ENY2: variants seen among roughly 807,000 people sequenced by gnomAD.
ENY2 encodes ENY2 transcription and export complex 2 subunit, also known as transcription and mRNA export factor ENY2.
In ENY2, 4 loss-of-function variants were observed where a neutral mutation model predicts 15.9. The ratio of observed to expected loss-of-function variants is 0.25; its 90% CI spans 0.12 to 0.57. The LOEUF is 0.57. Ranked by LOEUF, ENY2 falls within the 20% of genes least tolerant of loss-of-function variation. The probability of loss-of-function intolerance (pLI) is 0.91; values close to 1 mark genes in which losing one functional copy is unlikely to be tolerated. For missense variants in ENY2, 54 were observed against 117.2 expected, an observed-to-expected ratio of 0.46 and a Z score of 2.49; for synonymous variants, 48 against 38.0, an observed-to-expected ratio of 1.26 and a Z score of -0.97.
chr8:109,343,529 T>C lies in ENY2; in HGVS notation c.*48T>C, dbSNP rs922668683. The C allele has an allele frequency of 3.3e-6, 5 of 1,522,120 alleles. No individual in the cohort carries two copies. In the African/African-American group the frequency reaches 7.0e-5, roughly 21 times the overall value. The allele number at this position is 1,522,120 out of a possible 1,614,324, so 94.3% of individuals were successfully genotyped here. On this transcript the variant is annotated 3_prime_UTR_variant, in exon 5 of 5. Transcript: ENST00000521688. Reference sequence around the variant, plus strand: ...GTGGTTTTATTTCTGAAAGTAAAACTTGCCATAAATTAGAAAACAATTTCC... The same window carrying C: ...GTGGTTTTATTTCTGAAAGTAAAACCTGCCATAAATTAGAAAACAATTTCC...
intron 2 of ENY2, among the ~76,000 whole-genome samples, chr8:109,337,593 TAGAA>T (rs1816014900): frequency 6.6e-6 from 1 of 151,972 alleles, no homozygotes; most frequent in Admixed American, 6.6e-5. Context: ...ATATTTTAGA[TAGAA>T]AAAACAAAGA....
intron 2 of ENY2, 113 bp from the exon 3 acceptor site, chr8:109,339,207 G>A: frequency 1.1e-6 from 1 of 900,404 alleles, no homozygotes; most frequent in Non-Finnish European, 1.7e-6. Context: ...CACAGTTAAA[G>A]TTTTGTAACT....
intron 1 of ENY2, chr8:109,334,807 C>T (rs754114511): frequency 7.4e-6 from 3 of 404,432 alleles, no homozygotes; most frequent in Non-Finnish European, 1.3e-5. Context: ...TTTTAGGAGC[C>T]AAGACGAGAT....
At position 109,343,561 on chromosome 8, in the gene ENY2, A is replaced by G. The variant is rs1051466344; in HGVS notation, c.*80A>G. On this transcript the variant is annotated 3_prime_UTR_variant, in exon 5 of 5. Transcript: ENST00000521688. ...AAATTAGAAAACAATTTCCCAAAATAAAATCCTTTTTTGTATGATGGTATA... is the reference window on the plus strand; with the variant it reads ...AAATTAGAAAACAATTTCCCAAAATGAAATCCTTTTTTGTATGATGGTATA... 4 of 1,355,024 alleles carry G rather than the reference A, an allele frequency of 3.0e-6. No individual in the cohort carries two copies. The highest frequency in any genetic ancestry group is 4.1e-6 in the Non-Finnish European group (4 of 968,846). 83.9% of individuals were successfully genotyped at this position (1,355,024 alleles called of 1,614,324 possible).
chr8:109,336,088 T>C (rs192510487), intron 1 of ENY2, 40 bp from the exon 2 acceptor site: 1 of 1,597,290 alleles, frequency 6.3e-7, no homozygotes, highest in African/African-American at 1.3e-5. Context: ...GAAAATGCTT[T>C]GTAAATGTTC....
chr8:109,340,122 T>G (rs1222022039), intron 3 of ENY2, among the ~76,000 whole-genome samples: 2 of 152,176 alleles, frequency 1.3e-5, no homozygotes, highest in Non-Finnish European at 2.9e-5. Context: ...CCTAGCCCAT[T>G]AGATCATCGT....
At chr8:109,342,344 G>A (rs936650771) in intron 4 of ENY2, among the ~76,000 whole-genome samples, 19 of 151,180 alleles carry the variant, frequency 1.3e-4, no homozygotes, top group South Asian at 6.2e-4. Context: ...TATACTCCAC[G>A]TAATATGAGA....
chr8:109,342,644 A>G, intron 4 of ENY2: 1 of 686,262 alleles, frequency 1.5e-6, no homozygotes, highest in Non-Finnish European at 2.6e-6. Flanking sequence ...AGTAGCTGAG[A>G]CCACAGACAC....
chr8:109,334,572 G>T, intron 1 of ENY2, 98 bp downstream of exon 1: 1 of 1,397,234 alleles, frequency 7.2e-7, no homozygotes, highest in Non-Finnish European at 9.5e-7. Context: ...CCGCGCTCGC[G>T]GGCCTGTAGG....
chr8:109,335,444 C>T (rs1012620687), intron 1 of ENY2: 58 of 149,632 alleles, frequency 3.9e-4, no homozygotes, highest in African/African-American at 1.4e-3. Context: ...CTCACTGCAA[C>T]CTCTGTCTCC....
Position 109,335,984 on chromosome 8 carries a change from A to G in ENY2, c.7-144A>G, listed in dbSNP as rs1046450184. 1.7e-5 allele frequency: 12 copies of G among 699,038 alleles called. No homozygotes were observed. The African/African-American group carries it at 2.0e-4, about 11-fold the overall frequency. 43.3% of individuals were successfully genotyped at this position (699,038 alleles called of 1,614,324 possible). A position where few individuals can be genotyped will look rare whatever the true frequency, so the allele number is the denominator to read the frequency against. Reference sequence around the variant, plus strand: ...TGCCAAGCACATAAGTGTTTAATAAAGAGTAATGATATTATTAACACACTT... The same window carrying G: ...TGCCAAGCACATAAGTGTTTAATAAGGAGTAATGATATTATTAACACACTT... On this transcript the variant is annotated intron_variant, in intron 1 of 4. Coordinates refer to ENST00000521688, the MANE Select transcript of ENY2 (RefSeq NM_020189.6).
chr8:109,338,783 C>G (rs1186377488), intron 2 of ENY2: 3 of 152,248 alleles, frequency 2.0e-5, no homozygotes, highest in Non-Finnish European at 4.4e-5. Flanking sequence ...GAACAACGGT[C>G]TTACAGTCAA....
rs1563694185 is a variant in ENY2, at chr8:109,344,744, GAAT to G, written c.*1265_*1267del. On this transcript the variant is annotated 3_prime_UTR_variant, in exon 5 of 5. Coordinates refer to ENST00000521688, the MANE Select transcript of ENY2 (RefSeq NM_020189.6). ...ATGCTGCTGATTGAGAACCACTTCT[GAAT>G]ATAGCAAGGCTGTAAATTATCCACT... 1 of 152,150 alleles carries G rather than the reference GAAT, an allele frequency of 6.6e-6. No homozygotes were observed. Among genetic ancestry groups the G allele is most frequent in the East Asian group, 1.9e-4 (1 of 5,182 alleles). The allele number at this position is 152,150 out of a possible 1,614,324, so 9.4% of individuals were successfully genotyped here.
At position 109,334,629 on chromosome 8, in the gene ENY2, C is replaced by G. The variant is rs949853272; in HGVS notation, c.6+155C>G. ...CCGGAGTTGGCCTGAAACCAGTCCT[C>G]GCTTTGTTTTCTGGCTCCTCCTCTC... On this transcript the variant is annotated intron_variant, in intron 1 of 4. Transcript: ENST00000521688. 9.5e-6 allele frequency: 8 copies of G among 843,968 alleles called. No individual in the cohort carries two copies. In the Admixed American group the frequency reaches 2.7e-4, roughly 28 times the overall value. 52.3% of individuals were successfully genotyped at this position (843,968 alleles called of 1,614,324 possible).
At chr8:109,338,006 T>C (rs1049574856) in intron 2 of ENY2, among the ~76,000 whole-genome samples, 2 of 151,970 alleles carry the variant, frequency 1.3e-5, no homozygotes, top group African/African-American at 2.4e-5. Flanking sequence ...CTAGGGAGAC[T>C]GAGTAAATTG....
intron 4 of ENY2, chr8:109,342,718 G>T (rs1306302201): frequency 1.4e-6 from 1 of 697,936 alleles, no homozygotes; most frequent in East Asian, 2.7e-5. Context: ...TGCCCAGGCT[G>T]GTCTTGAGCT....
chr8:109,336,136 G>A lies in ENY2; in HGVS notation c.15G>A (p.Lys5=). Reference sequence around the variant, plus strand: ...TACATGTTGATGTCCAGGTTAGCAAGATGAACAAAGATGCGCAGATGAGAG... The same window carrying A: ...TACATGTTGATGTCCAGGTTAGCAAAATGAACAAAGATGCGCAGATGAGAG... The part of the protein sequence containing the change: MVVS[K]MNKDAQMRAA... Residue 5 remains lysine (K), a synonymous_variant, in exon 2 of 5, where the codon AAG becomes AAA. Coordinates refer to ENST00000521688, the MANE Select transcript of ENY2 (RefSeq NM_020189.6). 1 of 1,613,402 alleles carries A rather than the reference G, an allele frequency of 6.2e-7. No individual in the cohort carries two copies. The highest frequency in any genetic ancestry group is 8.5e-7 in the Non-Finnish European group (1 of 1,179,522).
At chr8:109,339,495 A>C (rs1816068900) in intron 3 of ENY2, 105 bp downstream of exon 3, 2 of 916,198 alleles carry the variant, frequency 2.2e-6, no homozygotes, top group Middle Eastern at 2.3e-4. Context: ...CATGATTTTA[A>C]ACAAATATGG....
chr8:109,340,397 C>G, intron 3 of ENY2, 92 bp from the exon 4 acceptor site: 3 of 1,556,880 alleles, frequency 1.9e-6, no homozygotes, highest in Non-Finnish European at 2.6e-6. Context: ...AGTCTACACT[C>G]TAAAAACATG....
Sources: allele counts gnomAD v4.1 joint callset (sites outside exome capture counted in the v4.1 genomes callset), GRCh38; gene constraint gnomAD v4.1.1; transcripts MANE v1.5; gene names NCBI Gene and HGNC (gene_info 2026-07-23, HGNC 2026-07-21).